Variants in KANK1 observed in about 807,000 individuals in gnomAD.
The protein encoded by KANK1 is KN motif and ankyrin repeat domains 1, also known as KN motif and ankyrin repeat domain-containing protein 1.
A neutral mutation model predicts 106.2 loss-of-function variants in KANK1; 109 were observed. The observed-to-expected ratio is 1.03, with a 90% CI of 0.88 to 1.20. The LOEUF (loss-of-function observed/expected upper bound fraction) is 1.20. KANK1 is among the 50% of genes most tolerant of loss of function. KANK1 has a pLI of 0.00. For synonymous variants in KANK1, 873 were observed against 652.2 expected, an observed-to-expected ratio of 1.34 and a Z score of -5.16; for missense variants, 2,399 against 1,710.7, an observed-to-expected ratio of 1.40 and a Z score of -7.10.
At chr9:538,485 A>G (rs924859569) in intron 1 of KANK1, among the ~76,000 whole-genome samples, 1 of 152,260 alleles carries the variant, frequency 6.6e-6, no homozygotes, top group African/African-American at 2.4e-5. Flanking sequence ...TGAGGATCCT[A>G]AGAGGCACAT....
intron 2 of KANK1, chr9:471,027 G>A (rs1273327363): frequency 6.6e-6 from 1 of 152,204 alleles, no homozygotes; most frequent in Admixed American, 6.5e-5. Flanking sequence ...TTTGCAAGGA[G>A]CCGGTCATAG....
chr9:569,140 T>C (rs1440084441), intron 1 of KANK1, among the ~76,000 whole-genome samples: 1 of 152,116 alleles, frequency 6.6e-6, no homozygotes, highest in Non-Finnish European at 1.5e-5. Flanking sequence ...CCTGACCCAG[T>C]CCTGCCCACC....
At chr9:525,131 A>G (rs1239391769) in intron 1 of KANK1, among the ~76,000 whole-genome samples, 2 of 151,206 alleles carry the variant, frequency 1.3e-5, no homozygotes, top group African/African-American at 4.9e-5. Flanking sequence ...AGTAGCTGGG[A>G]CTACAGGCAT....
intron 1 of KANK1, among the ~76,000 whole-genome samples, chr9:572,154 T>TTTTTG (rs1417494450): frequency 1.8e-5 from 2 of 109,100 alleles, no homozygotes; most frequent in African/African-American, 6.5e-5. Context: ...ACAGTGATTT[T>TTTTTG]TTTTTTTTTT....
In KANK1 at chr9:711,555, C is replaced by G; in HGVS notation, c.789C>G (p.Ile263Met). 6.2e-7 allele frequency: 1 copy of G among 1,613,874 alleles called. No individual in the cohort carries two copies. The highest frequency in any genetic ancestry group is 8.5e-7 in the Non-Finnish European group (1 of 1,179,880). Residue 263 changes from isoleucine (I) to methionine (M), a missense_variant, in exon 3 of 12, where the codon ATC becomes ATG. Ile to Met is a conservative substitution (Grantham distance 10, BLOSUM62 1). Coordinates refer to ENST00000382297, the MANE Select transcript of KANK1 (RefSeq NM_015158.5). ...TGAGCCCCATGCACCTGCAGCACATCCGCGAGCAGATGGCCATTGCTCTGA... is the reference window on the plus strand; with the variant it reads ...TGAGCCCCATGCACCTGCAGCACATGCGCGAGCAGATGGCCATTGCTCTGA... ...TNVSPMHLQH[I>M]REQMAIALKR...
rs79437342 is a variant in KANK1, at chr9:671,623, A to AAAAAAAAAAAAAAAAAAAAAAAAAGAAG, written c.-83-5263_-83-5262insAAAAAAAAAAAAAAAAAAAAGAAGAAAA. Among the ~76,000 whole-genome samples, 124 of 103,532 alleles carry AAAAAAAAAAAAAAAAAAAAAAAAAGAAG rather than the reference A, an allele frequency of 1.2e-3. 7 individuals carry two copies. Among genetic ancestry groups the AAAAAAAAAAAAAAAAAAAAAAAAAGAAG allele is most frequent in the African/African-American group, 5.1e-3 (114 of 22,438 alleles). The allele number at this position is 103,532 out of a possible 152,430, so 67.9% of individuals were successfully genotyped here. On this transcript the variant is annotated intron_variant, in intron 1 of 11. Transcript: ENST00000382297. ...AGAGCGAAACTCCGTCTCAAAAAAA[A>AAAAAAAAAAAAAAAAAAAAAAAAAGAAG]AAAAGAGTGTACTGGTTAAGTACTG...
At chr9:510,484 A>G (rs2058982207) in intron 1 of KANK1, among the ~76,000 whole-genome samples, 2 of 152,182 alleles carry the variant, frequency 1.3e-5, no homozygotes, top group African/African-American at 2.4e-5. Context: ...TCTTGTCTAG[A>G]TGATTAGGAG....
At chr9:534,559 C>T (rs1337310964) in intron 1 of KANK1, among the ~76,000 whole-genome samples, 3 of 152,196 alleles carry the variant, frequency 2.0e-5, no homozygotes, top group African/African-American at 4.8e-5. Flanking sequence ...TAATCATTTG[C>T]CCCTTAGTTT....
At position 580,945 on chromosome 9, in the gene KANK1, T is replaced by A. The variant is rs575624471; in HGVS notation, c.-84+76191T>A. ...GGAGGCAGCTGAGGCCTGGTGAGAA[T>A]TGGAGCGCAGCGCTGGCAGGCTGAC... On this transcript the variant is annotated intron_variant, in intron 1 of 11. Transcript: ENST00000382297. Among the ~76,000 whole-genome samples, 9 of 152,228 alleles carry A rather than the reference T, an allele frequency of 5.9e-5. No individual in the cohort carries two copies. In the South Asian group the frequency reaches 1.9e-3, roughly 32 times the overall value.
At chr9:719,706 G>C (rs1392256585) in intron 3 of KANK1, among the ~76,000 whole-genome samples, 1 of 152,054 alleles carries the variant, frequency 6.6e-6, no homozygotes, top group Non-Finnish European at 1.5e-5. Flanking sequence ...CTGGAGAATT[G>C]ATCTCTTTAA....
intron 2 of KANK1, among the ~76,000 whole-genome samples, chr9:687,945 T>C (rs1263511042): frequency 6.6e-6 from 1 of 152,154 alleles, no homozygotes; most frequent in Non-Finnish European, 1.5e-5. Flanking sequence ...TAGTAGTCCT[T>C]GTAGAGTCAA....
intron 1 of KANK1, among the ~76,000 whole-genome samples, chr9:536,586 T>A (rs1488693168): frequency 6.6e-6 from 1 of 152,192 alleles, no homozygotes; most frequent in Non-Finnish European, 1.5e-5. Context: ...GCCTGACATT[T>A]CTTCTGGCTC....
At chr9:608,031 A>ATTG (rs1175822024) in intron 1 of KANK1, among the ~76,000 whole-genome samples, 2 of 88,100 alleles carry the variant, frequency 2.3e-5, no homozygotes, top group African/African-American at 8.4e-5. Context: ...TATTATTATT[A>ATTG]TTATTTTTTT....
At chr9:684,797 C>T (rs1434123006) in intron 2 of KANK1, among the ~76,000 whole-genome samples, 2 of 152,038 alleles carry the variant, frequency 1.3e-5, no homozygotes, top group Admixed American at 6.6e-5. Context: ...TCACAGTCAC[C>T]GCTTTGGCTC....
chr9:639,085 C>G (rs779644820), intron 1 of KANK1, among the ~76,000 whole-genome samples: 1 of 152,168 alleles, frequency 6.6e-6, no homozygotes, highest in South Asian at 2.1e-4. Context: ...TAAAAACACT[C>G]TTAGGACATG....
At chr9:717,640 A>G (rs966631629) in intron 3 of KANK1, among the ~76,000 whole-genome samples, 1 of 152,178 alleles carries the variant, frequency 6.6e-6, no homozygotes, top group African/African-American at 2.4e-5. Flanking sequence ...AAAATAAAAA[A>G]GTTAAGAGGA....
intron 1 of KANK1, among the ~76,000 whole-genome samples, chr9:523,857 T>C (rs1219314587): frequency 2.0e-5 from 3 of 151,628 alleles, no homozygotes; most frequent in Non-Finnish European, 2.9e-5. Flanking sequence ...AGTATTATTA[T>C]GGAATTTACC....
In KANK1 at chr9:692,436, C is replaced by G. The variant is rs186298638; in HGVS notation, c.37+15427C>G. ...TGCCAGGTATTTTGAAATAGCAGAT[C>G]CAAATAATTTCATATTACTTTACAC... On this transcript the variant is annotated intron_variant, in intron 2 of 11. Coordinates refer to ENST00000382297, the MANE Select transcript of KANK1 (RefSeq NM_015158.5). Among the ~76,000 whole-genome samples the G allele has an allele frequency of 2.4e-3, 367 of 151,288 alleles. 1 individual carries two copies. Among genetic ancestry groups the G allele is most frequent in the Non-Finnish European group, 3.9e-3 (266 of 67,902 alleles).
Position 742,264 on chromosome 9 carries a change from C to G in KANK1, c.3756C>G (p.Gly1252=). Residue 1252 remains glycine (G), a synonymous_variant, in exon 10 of 12, where the codon GGC becomes GGG. Coordinates refer to ENST00000382297, the MANE Select transcript of KANK1 (RefSeq NM_015158.5). The stretch of plus-strand genomic sequence containing the variant: ...ACGGACGGATAGACATGGTGAAGGG[C>G]CTTCTGGCCTGTGGGGCTGATGTCA... The part of the protein sequence containing the change: ...VSHGRIDMVK[G]LLACGADVNI... The G allele has an allele frequency of 6.2e-7, 1 of 1,614,186 alleles. No individual in the cohort carries two copies. Among genetic ancestry groups the G allele is most frequent in the South Asian group, 1.1e-5 (1 of 91,090 alleles).
Sources: allele counts gnomAD v4.1 joint callset (sites outside exome capture counted in the v4.1 genomes callset), GRCh38; gene constraint gnomAD v4.1.1; transcripts MANE v1.5; gene names NCBI Gene and HGNC (gene_info 2026-07-23, HGNC 2026-07-21).